Variants in TMCO5A observed in about 807,000 individuals in gnomAD.
TMCO5A encodes the protein transmembrane and coiled-coil domain-containing protein 5A.
A neutral mutation model predicts 42.3 loss-of-function variants in TMCO5A; 34 were observed. The observed-to-expected ratio is 0.80, with a 90% CI of 0.61 to 1.07. The LOEUF (loss-of-function observed/expected upper bound fraction) is 1.07. TMCO5A is among the 50% of genes least tolerant of loss of function. The pLI is 0.00. For synonymous variants in TMCO5A, 131 were observed against 115.6 expected (o/e 1.13, Z -0.86); for missense variants, 357 against 327.9 (o/e 1.09, Z -0.69).
the TMCO5A span, among the ~76,000 whole-genome samples, chr15:37,978,502 G>T: frequency 6.6e-6 from 1 of 152,186 alleles, no homozygotes; most frequent in South Asian, 2.1e-4. Context: ...AAGAGTCTGA[G>T]TTCCTCTCCA....
At chr15:37,965,359 A>T (rs1890532031) in intron 11 of TMCO5A, among the ~76,000 whole-genome samples, 1 of 152,142 alleles carries the variant, frequency 6.6e-6, no homozygotes, top group Non-Finnish European at 1.5e-5. Context: ...CTGAGCAAAA[A>T]TTTCTTAAGT....
the TMCO5A span, among the ~76,000 whole-genome samples, chr15:37,982,993 C>T: frequency 6.6e-6 from 1 of 151,912 alleles, no homozygotes; most frequent in East Asian, 1.9e-4. Flanking sequence ...CCCTCCTCAT[C>T]GTAGCCTAAA....
At chr15:37,976,507 G>A in the TMCO5A span, among the ~76,000 whole-genome samples, 6 of 152,248 alleles carry the variant, frequency 3.9e-5, no homozygotes, top group South Asian at 1.2e-3. Flanking sequence ...TGTTTTCCAA[G>A]TTGCTTGCTT....
chr15:37,950,343 GAAAAGATGGAC>G (rs1890116188), intron 11 of TMCO5A, among the ~76,000 whole-genome samples: 1 of 152,082 alleles, frequency 6.6e-6, no homozygotes, highest in South Asian at 2.1e-4. Context: ...CCTAATTAAA[GAAAAGATGGAC>G]AAACTAGACC....
the TMCO5A span, among the ~76,000 whole-genome samples, chr15:37,984,145 G>A: frequency 4.3e-4 from 66 of 152,284 alleles, no homozygotes; most frequent in African/African-American, 1.5e-3. Context: ...TAAAAAGTAA[G>A]GGGGGCAGGG....
At chr15:38,017,592 G>T in the TMCO5A span, among the ~76,000 whole-genome samples, 1 of 152,188 alleles carries the variant, frequency 6.6e-6, no homozygotes, top group African/African-American at 2.4e-5. Context: ...ATCATAAGAA[G>T]TTCCTGCTTC....
At chr15:37,955,283 A>C (rs1326651451), downstream of TMCO5A, among the ~76,000 whole-genome samples, 1 of 151,288 alleles carries the variant, frequency 6.6e-6, no homozygotes, top group African/African-American at 2.4e-5. Context: ...AAACTTAACA[A>C]GATTGAACCA....
chr15:38,033,559 AT>A, the TMCO5A span, among the ~76,000 whole-genome samples: 4,099 of 145,404 alleles, frequency 0.028, 189 homozygotes, highest in African/African-American at 0.094. Flanking sequence ...TTCTCCCTCC[AT>A]TTTTTTTTTG....
the TMCO5A span, among the ~76,000 whole-genome samples, chr15:37,990,201 C>CAGA: frequency 6.6e-6 from 1 of 152,026 alleles, no homozygotes; most frequent in Non-Finnish European, 1.5e-5. Context: ...TCTGGTTGTT[C>CAGA]TATCCATTAC....
At chr15:38,000,516 T>G in the TMCO5A span, among the ~76,000 whole-genome samples, 3 of 152,098 alleles carry the variant, frequency 2.0e-5, no homozygotes, top group Non-Finnish European at 2.9e-5. Context: ...TTCATTCATT[T>G]CTGTTAAGAT....
At chr15:38,018,785 A>G in the TMCO5A span, among the ~76,000 whole-genome samples, 2 of 151,950 alleles carry the variant, frequency 1.3e-5, no homozygotes, top group Admixed American at 6.6e-5. Flanking sequence ...TTTTTTTTAC[A>G]TACAGATTTC....
At chr15:37,951,748 C>T (rs1294363802), downstream of TMCO5A, among the ~76,000 whole-genome samples, 2 of 152,066 alleles carry the variant, frequency 1.3e-5, no homozygotes, top group African/African-American at 4.8e-5. Flanking sequence ...CCTTCAAGGA[C>T]ACCAATTTAA....
At chr15:38,016,896 A>C in the TMCO5A span, among the ~76,000 whole-genome samples, 2 of 151,310 alleles carry the variant, frequency 1.3e-5, no homozygotes, top group African/African-American at 4.8e-5. Flanking sequence ...GGGGTTAGAC[A>C]CCCTGACCTA....
At chr15:37,965,927 T>A (rs1397195736) in intron 11 of TMCO5A, among the ~76,000 whole-genome samples, 1 of 151,858 alleles carries the variant, frequency 6.6e-6, no homozygotes. Context: ...ACAAAGGAAA[T>A]CAGTACATTG....
chr15:38,039,036 A>T, the TMCO5A span, among the ~76,000 whole-genome samples: 4 of 152,262 alleles, frequency 2.6e-5, no homozygotes, highest in Non-Finnish European at 5.9e-5. Flanking sequence ...GTAACAAGAC[A>T]AAATGATATG....
chr15:37,960,277 T>C (rs927595466), intron 11 of TMCO5A, among the ~76,000 whole-genome samples: 1 of 152,106 alleles, frequency 6.6e-6, no homozygotes, highest in East Asian at 1.9e-4. Context: ...AGTAATAACA[T>C]ATGATGTTTG....
rs1251333771 is a variant in TMCO5A, at chr15:37,938,203, C to A, written c.361C>A (p.Pro121Thr). The A allele has an allele frequency of 8.9e-6, 14 of 1,580,892 alleles. No homozygotes were observed. Among genetic ancestry groups the A allele is most frequent in the Non-Finnish European group, 1.2e-5 (14 of 1,162,322 alleles). ...QKITNCEQSSPDGALEETKVK... is the reference protein window; with the variant it reads ...QKITNCEQSSTDGALEETKVK... ...GATAACCAATTGTGAACAAAGCAGTCCAGATGGAGCCCTAGAAGAGACAAA... is the reference window on the plus strand; with the variant it reads ...GATAACCAATTGTGAACAAAGCAGTACAGATGGAGCCCTAGAAGAGACAAA... The change falls in exon 6 of 12, where the codon CCA (proline) becomes ACA (threonine). Residue 121 changes from proline to threonine, a missense_variant. Transcript: ENST00000319669.
the TMCO5A span, among the ~76,000 whole-genome samples, chr15:37,981,104 A>G: frequency 1.3e-5 from 2 of 150,200 alleles, no homozygotes; most frequent in Non-Finnish European, 3.0e-5. Flanking sequence ...GTAAAGGTAA[A>G]TGTTGACTGC....
At position 37,934,701 on chromosome 15, in the gene TMCO5A, T is replaced by C. The variant is rs1482353966; in HGVS notation, c.-103+7T>C. 1.3e-5 allele frequency: 2 copies of C among 151,782 alleles called. No individual in the cohort carries two copies. The highest frequency in any genetic ancestry group is 4.8e-5 in the African/African-American group (2 of 41,302). The allele number at this position is 151,782 out of a possible 1,614,324, so 9.4% of individuals were successfully genotyped here. A position where few individuals can be genotyped will look rare whatever the true frequency, so the allele number is the denominator to read the frequency against. The stretch of plus-strand genomic sequence containing the variant: ...GACACATCAAAAAGGGGAGGTAGAG[T>C]TTGTAGAAGAAATAAAGGGGAAAAA... On this transcript the variant is annotated splice_region_variant and intron_variant, in intron 1 of 11. Coordinates refer to ENST00000319669, the MANE Select transcript of TMCO5A (RefSeq NM_152453.4).
Sources: allele counts gnomAD v4.1 joint callset (sites outside exome capture counted in the v4.1 genomes callset), GRCh38; gene constraint gnomAD v4.1.1; transcripts MANE v1.5; gene names NCBI Gene and HGNC (gene_info 2026-07-23, HGNC 2026-07-21).